The following ASCC1 variants were observed in gnomAD, a reference collection of about 807,000 sequenced individuals.
ASCC1 encodes the protein ASC-1 complex subunit P50.
A neutral mutation model predicts 46.6 loss-of-function variants in ASCC1; 35 were observed. The ratio of observed to expected loss-of-function variants is 0.75; its 90% CI spans 0.57 to 0.99. ASCC1 has a LOEUF of 0.99. ASCC1 is among the 50% of genes least tolerant of loss of function. ASCC1 has a pLI of 0.00. For missense variants in ASCC1, 376 were observed against 428.7 expected (o/e 0.88, Z 1.09); for synonymous variants, 143 against 146.6 (o/e 0.98, Z 0.18).
chr10:72,111,678 G>A (rs538564598), intron 9 of ASCC1, among the ~76,000 whole-genome samples: 1 of 152,000 alleles, frequency 6.6e-6, no homozygotes, highest in South Asian at 2.1e-4. Context: ...GTCTCTCACT[G>A]TAGCCCAGGC....
At chr10:72,195,828 C>T (rs1275131392) in intron 5 of ASCC1, among the ~76,000 whole-genome samples, 1 of 149,274 alleles carries the variant, frequency 6.7e-6, no homozygotes, top group Non-Finnish European at 1.5e-5. Flanking sequence ...GAGTGAAACG[C>T]TGTCTCAAAA....
At chr10:72,175,301 A>T (rs1234161910) in intron 5 of ASCC1, among the ~76,000 whole-genome samples, 1 of 152,232 alleles carries the variant, frequency 6.6e-6, no homozygotes, top group Non-Finnish European at 1.5e-5. Context: ...GGCACACAGT[A>T]GTATGGAATA....
At position 72,161,683 on chromosome 10, in the gene ASCC1, A is replaced by G; in HGVS notation, c.490-9T>C. ...CTGTCAACCCCATGATCCTGTTATC[A>G]AAGAGAGAAAAACAAGAAACTCAGC... On this transcript the variant is annotated splice_polypyrimidine_tract_variant and intron_variant, in intron 5 of 9. Coordinates refer to ENST00000672957, the MANE Select transcript of ASCC1 (RefSeq NM_001198800.3). 1 of 1,614,116 alleles carries G rather than the reference A, an allele frequency of 6.2e-7. No homozygotes were observed. Among genetic ancestry groups the G allele is most frequent in the Non-Finnish European group, 8.5e-7 (1 of 1,180,026 alleles).
At chr10:72,119,493 G>C (rs186094532) in intron 9 of ASCC1, among the ~76,000 whole-genome samples, 1 of 152,132 alleles carries the variant, frequency 6.6e-6, no homozygotes, top group Non-Finnish European at 1.5e-5. Context: ...TTCCACATAG[G>C]GGCCCCTCTA....
intron 5 of ASCC1, among the ~76,000 whole-genome samples, chr10:72,184,266 G>C (rs1188301242): frequency 1.3e-5 from 2 of 149,440 alleles, no homozygotes; most frequent in Non-Finnish European, 3.0e-5. Flanking sequence ...GAGACAGAAA[G>C]AAACAAAAAA....
chr10:72,142,166 T>C (rs1847096395), intron 7 of ASCC1, among the ~76,000 whole-genome samples: 1 of 152,184 alleles, frequency 6.6e-6, no homozygotes, highest in South Asian at 2.1e-4. Context: ...TGAAAAAATA[T>C]TAAATTTTAT....
intron 9 of ASCC1, among the ~76,000 whole-genome samples, chr10:72,112,791 A>C (rs1032818967): frequency 6.6e-6 from 1 of 150,710 alleles, no homozygotes; most frequent in South Asian, 2.1e-4. Context: ...AAGCACGAGA[A>C]TCACTTGAAC....
intron 5 of ASCC1, among the ~76,000 whole-genome samples, chr10:72,196,124 A>G (rs1855382345): frequency 6.6e-6 from 1 of 152,038 alleles, no homozygotes; most frequent in African/African-American, 2.4e-5. Context: ...AAGTATGGCA[A>G]TTCTACATGC....
At chr10:72,131,476 A>ACACACACACACACACACT (rs1455597730) in intron 8 of ASCC1, among the ~76,000 whole-genome samples, 2 of 145,952 alleles carry the variant, frequency 1.4e-5, no homozygotes, top group African/African-American at 5.0e-5. Flanking sequence ...ACACACACAC[A>ACACACACACACACACACT]CTCAACTGGA....
intron 5 of ASCC1, among the ~76,000 whole-genome samples, chr10:72,186,699 T>C (rs1853500688): frequency 6.6e-6 from 1 of 152,166 alleles, no homozygotes; most frequent in Non-Finnish European, 1.5e-5. Flanking sequence ...ATTTCCTCTT[T>C]AATGCTGTGC....
intron 3 of ASCC1, among the ~76,000 whole-genome samples, chr10:72,210,054 C>T (rs1857826212): frequency 6.6e-6 from 1 of 152,090 alleles, no homozygotes; most frequent in Non-Finnish European, 1.5e-5. Flanking sequence ...CATGCCTGCT[C>T]CCACTTCAGC....
chr10:72,113,475 A>G (rs753236734), intron 9 of ASCC1, among the ~76,000 whole-genome samples: 43 of 152,252 alleles, frequency 2.8e-4, no homozygotes, highest in Non-Finnish European at 5.1e-4. Context: ...CATGTTAACA[A>G]TGGTTTCACC....
At chr10:72,197,378 G>A (rs1235549242) in intron 4 of ASCC1, among the ~76,000 whole-genome samples, 3 of 149,954 alleles carry the variant, frequency 2.0e-5, no homozygotes, top group South Asian at 2.1e-4. Flanking sequence ...GCTAAGGCAC[G>A]GATGGAGGGA....
At chr10:72,141,104 G>GATATAGATATACAGATAT (rs1379797697) in intron 7 of ASCC1, among the ~76,000 whole-genome samples, 10 of 148,584 alleles carry the variant, frequency 6.7e-5, no homozygotes, top group Non-Finnish European at 1.3e-4. Flanking sequence ...TAGACATAGA[G>GATATAGATATACAGATAT]ATATAGATAT....
intron 5 of ASCC1, among the ~76,000 whole-genome samples, chr10:72,162,618 A>G (rs1849835626): frequency 6.6e-6 from 1 of 152,054 alleles, no homozygotes; most frequent in Admixed American, 6.6e-5. Flanking sequence ...TATGGGTGTG[A>G]GCCACAGAAC....
intron 3 of ASCC1, among the ~76,000 whole-genome samples, chr10:72,208,204 CATA>C (rs1383468581): frequency 6.6e-6 from 1 of 151,918 alleles, no homozygotes; most frequent in South Asian, 2.1e-4. Flanking sequence ...TCACTTGACA[CATA>C]ATGAGTGCTT....
In ASCC1 at chr10:72,204,788, T is replaced by C. The variant is rs74783916; in HGVS notation, c.213-1264A>G. On this transcript the variant is annotated intron_variant, in intron 3 of 9. Coordinates refer to ENST00000672957, the MANE Select transcript of ASCC1 (RefSeq NM_001198800.3). ...GTCTGTAATTTCCAAGTGGTTTTCC[T>C]GTGTGTTGGGATAGAGATTGTAGGG... Among the ~76,000 whole-genome samples the C allele has an allele frequency of 1.8e-4, 28 of 152,322 alleles. No homozygotes were observed. The East Asian group carries it at 5.4e-3, about 29-fold the overall frequency.
At chr10:72,201,972 G>A (rs560909302) in intron 4 of ASCC1, among the ~76,000 whole-genome samples, 23 of 151,806 alleles carry the variant, frequency 1.5e-4, no homozygotes, top group South Asian at 4.2e-4. Context: ...CTAAAAGGCC[G>A]GGCATGGTGT....
chr10:72,169,015 A>G (rs1430287878), intron 5 of ASCC1, among the ~76,000 whole-genome samples: 1 of 152,254 alleles, frequency 6.6e-6, no homozygotes, highest in African/African-American at 2.4e-5. Flanking sequence ...ACAACGTAAA[A>G]TATGTATGCA....
Sources: gnomAD v4.1 joint callset for allele counts (sites outside exome capture counted in the v4.1 genomes callset) on GRCh38, gnomAD v4.1.1 for gene constraint, MANE v1.5 for transcripts, NCBI Gene and HGNC (gene_info 2026-07-23, HGNC 2026-07-21) for gene names.